Variants in ADAMTSL3 observed in about 807,000 individuals in gnomAD.
The protein encoded by ADAMTSL3 is ADAMTS like 3, also known as ADAMTS-like protein 3.
ADAMTSL3 carries 128 observed loss-of-function variants against 201.7 expected under a neutral mutation model. That is an observed-to-expected ratio of 0.63 (90% CI 0.55 to 0.73). The LOEUF (loss-of-function observed/expected upper bound fraction) is 0.73. Ranked by LOEUF, ADAMTSL3 falls within the 30% of genes least tolerant of loss-of-function variation. The probability of loss-of-function intolerance (pLI) is 0.00; values close to 1 mark genes in which losing one functional copy is unlikely to be tolerated. For missense variants in ADAMTSL3, 1,990 were observed against 2,119.6 expected (o/e 0.94, Z 1.20); for synonymous variants, 738 against 748.4 (o/e 0.99, Z 0.23).
At chr15:84,022,946 C>G (rs1229251513) in intron 26 of ADAMTSL3, among the ~76,000 whole-genome samples, 1 of 152,182 alleles carries the variant, frequency 6.6e-6, no homozygotes, top group African/African-American at 2.4e-5. Flanking sequence ...ATATATACCT[C>G]AATACATGCT....
chr15:83,733,033 T>A (rs1179514953), intron 3 of ADAMTSL3, among the ~76,000 whole-genome samples: 2 of 152,206 alleles, frequency 1.3e-5, no homozygotes, highest in Non-Finnish European at 2.9e-5. Flanking sequence ...AAGGAATTCC[T>A]GAGCTGGTAT....
intron 6 of ADAMTSL3, among the ~76,000 whole-genome samples, chr15:83,830,382 C>T (rs2064130591): frequency 6.6e-6 from 1 of 152,088 alleles, no homozygotes. Flanking sequence ...GGAGAGGTGC[C>T]CCTGATGGGG....
intron 2 of ADAMTSL3, among the ~76,000 whole-genome samples, chr15:83,683,834 G>A (rs2061505789): frequency 6.6e-6 from 1 of 152,160 alleles, no homozygotes; most frequent in South Asian, 2.1e-4. Flanking sequence ...TCATATAGGA[G>A]CTGCTATTGT....
chr15:83,963,732 G>C (rs537495281), intron 19 of ADAMTSL3, among the ~76,000 whole-genome samples: 1 of 152,202 alleles, frequency 6.6e-6, no homozygotes, highest in Admixed American at 6.5e-5. Flanking sequence ...CTCAGTAGGG[G>C]CTGACAGACA....
At chr15:83,963,018 C>T (rs2067002989) in intron 19 of ADAMTSL3, among the ~76,000 whole-genome samples, 2 of 152,216 alleles carry the variant, frequency 1.3e-5, no homozygotes, top group Non-Finnish European at 1.5e-5. Context: ...GTCTTTACAA[C>T]CCACAAACCA....
In ADAMTSL3 at chr15:83,983,058, G is replaced by C; in HGVS notation, c.3430G>C (p.Glu1144Gln). ...THMQWRGIQE[E>Q]TPPAAQLRGE... ...CATGCAGTGGCGGGGCATCCAGGAA[G>C]AGACACCTCCTGCTGCTCAGCTCAG... Residue 1144 changes from glutamate (E) to glutamine (Q), a missense_variant, in exon 21 of 30, where the codon GAG becomes CAG. By Grantham distance (29) the Glu-to-Gln change is conservative. Coordinates refer to ENST00000286744, the MANE Select transcript of ADAMTSL3 (RefSeq NM_207517.3). 1 of 1,614,134 alleles carries C rather than the reference G, an allele frequency of 6.2e-7. No individual in the cohort carries two copies. Among genetic ancestry groups the C allele is most frequent in the Non-Finnish European group, 8.5e-7 (1 of 1,180,034 alleles).
At chr15:83,705,385 C>T (rs937661211) in intron 3 of ADAMTSL3, among the ~76,000 whole-genome samples, 1 of 152,100 alleles carries the variant, frequency 6.6e-6, no homozygotes, top group African/African-American at 2.4e-5. Flanking sequence ...GCCAGCTGTG[C>T]TCTCCTCAGC....
At chr15:83,692,008 A>C (rs2009426422) in intron 2 of ADAMTSL3, among the ~76,000 whole-genome samples, 1 of 152,214 alleles carries the variant, frequency 6.6e-6, no homozygotes, top group East Asian at 1.9e-4. Flanking sequence ...TATATTAAGA[A>C]ATTTAAAGTA....
chr15:84,001,152 T>C (rs934699555), intron 23 of ADAMTSL3, among the ~76,000 whole-genome samples: 8 of 152,176 alleles, frequency 5.3e-5, no homozygotes, highest in African/African-American at 2.4e-5. Flanking sequence ...GTTACATGTA[T>C]CTGATTTATC....
At chr15:83,890,027 A>G in intron 10 of ADAMTSL3, 82 bp from the exon 11 acceptor site, 1 of 1,481,482 alleles carries the variant, frequency 6.7e-7, no homozygotes, top group African/African-American at 1.4e-5. Context: ...GAGGAAAAAA[A>G]AAAGTGTGTG....
chr15:83,767,768 T>A (rs1456397860), intron 3 of ADAMTSL3, among the ~76,000 whole-genome samples: 1 of 152,202 alleles, frequency 6.6e-6, no homozygotes, highest in East Asian at 1.9e-4. Context: ...TGACGGTAAT[T>A]GGTATTATTT....
chr15:83,758,621 T>C (rs2062758067), intron 3 of ADAMTSL3, among the ~76,000 whole-genome samples: 1 of 152,220 alleles, frequency 6.6e-6, no homozygotes, highest in African/African-American at 2.4e-5. Context: ...CTAATGGGTA[T>C]AAAGTGGTAT....
intron 4 of ADAMTSL3, among the ~76,000 whole-genome samples, chr15:83,797,331 G>A (rs1028729563): frequency 6.6e-6 from 1 of 152,168 alleles, no homozygotes; most frequent in African/African-American, 2.4e-5. Context: ...TATGAAATGA[G>A]GCTGGGTGTG....
intron 27 of ADAMTSL3, among the ~76,000 whole-genome samples, chr15:84,027,744 C>T (rs2068336992): frequency 6.6e-6 from 1 of 151,908 alleles, no homozygotes; most frequent in Non-Finnish European, 1.5e-5. Context: ...AACATATGTC[C>T]ACACAAAAAC....
chr15:83,848,207 G>GAA (rs2064541835), intron 7 of ADAMTSL3, among the ~76,000 whole-genome samples: 1 of 151,996 alleles, frequency 6.6e-6, no homozygotes, highest in Non-Finnish European at 1.5e-5. Context: ...AACAAAAATA[G>GAA]AAAGTGGGGA....
At chr15:83,965,798 G>A (rs149923725) in intron 19 of ADAMTSL3, among the ~76,000 whole-genome samples, 7 of 152,224 alleles carry the variant, frequency 4.6e-5, no homozygotes, top group Non-Finnish European at 5.9e-5. Context: ...ACACTCCTCA[G>A]CAAATACAAA....
intron 15 of ADAMTSL3, among the ~76,000 whole-genome samples, chr15:83,906,006 C>T (rs753147281): frequency 2.0e-5 from 3 of 151,998 alleles, no homozygotes; most frequent in Non-Finnish European, 4.4e-5. Context: ...CTCAATCTAA[C>T]AATTTTTTCC....
intron 19 of ADAMTSL3, among the ~76,000 whole-genome samples, chr15:83,956,496 A>G (rs944193593): frequency 2.0e-5 from 3 of 152,300 alleles, no homozygotes. Context: ...GTAGCCTTCT[A>G]TTCTGCCATC....
chr15:83,655,372 C>T (rs1456008237), intron 1 of ADAMTSL3, among the ~76,000 whole-genome samples: 3 of 152,194 alleles, frequency 2.0e-5, no homozygotes, highest in Non-Finnish European at 2.9e-5. Flanking sequence ...TTGCCGCGAG[C>T]AGCAGAAGCT....
Sources: allele counts gnomAD v4.1 joint callset (sites outside exome capture counted in the v4.1 genomes callset), GRCh38; gene constraint gnomAD v4.1.1; transcripts MANE v1.5; gene names NCBI Gene and HGNC (gene_info 2026-07-23, HGNC 2026-07-21).